Variants in ALDH3B1 observed in about 807,000 individuals in gnomAD.
ALDH3B1 encodes the protein aldehyde dehydrogenase family 3 member B1.
A neutral mutation model predicts 46.2 loss-of-function variants in ALDH3B1; 37 were observed. The ratio of observed to expected loss-of-function variants is 0.80; its 90% confidence interval spans 0.62 to 1.05. The LOEUF (loss-of-function observed/expected upper bound fraction) is 1.05. Ranked by LOEUF, ALDH3B1 falls within the 50% of genes least tolerant of loss-of-function variation. The pLI is 0.00. For synonymous variants in ALDH3B1, 283 were observed against 281.0 expected, an observed-to-expected ratio of 1.01 and a Z score of -0.07; for missense variants, 603 against 665.5, an observed-to-expected ratio of 0.91 and a Z score of 1.03.
intron 8 of ALDH3B1, 84 bp from the exon 9 acceptor site, chr11:68,025,925 A>C: frequency 1.0e-5 from 10 of 981,224 alleles, no homozygotes; most frequent in Non-Finnish European, 1.4e-5. Context: ...TCAGTGTCAC[A>C]GAGTCCAGCA....
intron 1 of ALDH3B1, among the ~76,000 whole-genome samples, chr11:68,011,906 C>G (rs977126160): frequency 6.6e-6 from 1 of 152,230 alleles, no homozygotes; most frequent in Non-Finnish European, 1.5e-5. Context: ...ATGGGTGCCA[C>G]AGGCAGTGCC....
rs748162494 is a variant in ALDH3B1 at position 68,027,872 on chromosome 11, C to T, written c.1340C>T (p.Ser447Leu). Residue 447 changes from serine to leucine, a missense_variant, in exon 10 of 10, where the codon TCG (serine) becomes TTG (leucine). Transcript: ENST00000342456. Reference protein sequence around the residue: ...KLNALRYPPQSPRRLRMLLVA... With the variant: ...KLNALRYPPQLPRRLRMLLVA... ...AACGCCCTCCGCTACCCGCCGCAAT[C>T]GCCGCGCCGCCTGAGGATGCTGCTG... is the stretch of plus-strand genomic sequence containing the variant. The T allele has an allele frequency of 1.2e-4, 184 of 1,562,558 alleles. No homozygotes were observed. The highest frequency in any genetic ancestry group is 2.4e-4 in the East Asian group (10 of 41,874).
chr11:68,013,265 A>T (rs1479202084), intron 1 of ALDH3B1, among the ~76,000 whole-genome samples: 2 of 152,108 alleles, frequency 1.3e-5, no homozygotes, highest in East Asian at 3.9e-4. Context: ...TGTGGGAGAG[A>T]TGTGTCCTGT....
intron 2 of ALDH3B1, chr11:68,018,214 G>C (rs746484845): frequency 2.6e-6 from 1 of 386,788 alleles, no homozygotes. Context: ...ACAGCCACAC[G>C]CTCCAGCAGT....
At chr11:68,015,082 C>T in intron 1 of ALDH3B1, 1 of 511,284 alleles carries the variant, frequency 2.0e-6, no homozygotes, top group East Asian at 3.1e-5. Context: ...TCATGTGTGT[C>T]TGGGAGTGCT....
chr11:68,011,605 T>A (rs1857231524), intron 1 of ALDH3B1, among the ~76,000 whole-genome samples: 1 of 152,216 alleles, frequency 6.6e-6, no homozygotes, highest in African/African-American at 2.4e-5. Context: ...CCTGCGGTAT[T>A]GGGCCTGTGG....
chr11:68,014,547 G>A (rs115321921), intron 1 of ALDH3B1, among the ~76,000 whole-genome samples: 1,914 of 152,254 alleles, frequency 0.013, 42 homozygotes, highest in African/African-American at 0.043. Flanking sequence ...GCACCAGCAC[G>A]GAGGCAGGAA....
In ALDH3B1 at chr11:68,029,041, A is replaced by G. The variant is rs1472910551; in HGVS notation, c.*1102A>G. The G allele has an allele frequency of 6.6e-6, 1 of 152,250 alleles. No individual in the cohort carries two copies. Among genetic ancestry groups the G allele is most frequent in the Non-Finnish European group, 1.5e-5 (1 of 68,046 alleles). The allele number at this position is 152,250 out of a possible 1,614,324, so 9.4% of individuals were successfully genotyped here. ...CCAAGTCCCACTTTTGAACAAGCTG[A>G]TGATTCTGAAACTGGCCCAATTTCC... is the stretch of plus-strand genomic sequence containing the variant. On this transcript the variant is annotated 3_prime_UTR_variant, in exon 10 of 10. Transcript: ENST00000342456.
chr11:68,021,891 C>T lies in ALDH3B1; in HGVS notation c.949+20C>T. On this transcript the variant is annotated intron_variant, in intron 7 of 9. Transcript: ENST00000342456. ...ACATCGGTGAGTCCTGCTGCCCCTACCACAGCCCACCTGGGCCAAGACCCC... is the reference window on the plus strand; with the variant it reads ...ACATCGGTGAGTCCTGCTGCCCCTATCACAGCCCACCTGGGCCAAGACCCC... 1 of 1,570,576 alleles carries T rather than the reference C, an allele frequency of 6.4e-7. No individual in the cohort carries two copies. The highest frequency in any genetic ancestry group is 8.6e-7 in the Non-Finnish European group (1 of 1,156,562).
At chr11:68,018,384 G>A (rs1350904650) in intron 2 of ALDH3B1, 143 bp from the exon 3 acceptor site, 8 of 693,114 alleles carry the variant, frequency 1.2e-5, no homozygotes, top group East Asian at 1.1e-4. Flanking sequence ...CAGGAAGCAC[G>A]CACTGAACAT....
chr11:68,018,721 C>T (rs1857411474), intron 3 of ALDH3B1, 52 bp from the exon 4 acceptor site: 1 of 1,549,078 alleles, frequency 6.5e-7, no homozygotes, highest in Non-Finnish European at 8.7e-7. Flanking sequence ...GAGCTGGCTG[C>T]TGAGGGGCCG....
At chr11:68,012,274 C>T (rs573265229) in intron 1 of ALDH3B1, among the ~76,000 whole-genome samples, 2 of 152,304 alleles carry the variant, frequency 1.3e-5, no homozygotes, top group South Asian at 2.1e-4. Context: ...ACTCTGTTCC[C>T]GGAGCCTGTG....
chr11:68,018,239 T>A, intron 2 of ALDH3B1: 2 of 437,744 alleles, frequency 4.6e-6, no homozygotes, highest in Non-Finnish European at 8.4e-6. Flanking sequence ...ACCCCCACCC[T>A]GCTCCATGAT....
chr11:68,015,507 A>G, intron 2 of ALDH3B1, 48 bp downstream of exon 2: 1 of 1,556,272 alleles, frequency 6.4e-7, no homozygotes, highest in Non-Finnish European at 8.7e-7. Context: ...GCAGGGGGGC[A>G]TGGAGGGCAG....
chr11:68,018,303 G>A (rs1857397014), intron 2 of ALDH3B1: 2 of 562,538 alleles, frequency 3.6e-6, no homozygotes, highest in East Asian at 6.0e-5. Context: ...ACTTTCACAT[G>A]GAACGACTGC....
intron 8 of ALDH3B1, among the ~76,000 whole-genome samples, chr11:68,023,372 T>G (rs12284146): frequency 6.6e-6 from 1 of 150,476 alleles, no homozygotes. Flanking sequence ...AGCACAGTCT[T>G]GGCTCACTGC....
At chr11:68,024,650 G>A (rs7925460) in intron 8 of ALDH3B1, 15 of 152,248 alleles carry the variant, frequency 9.9e-5, no homozygotes, top group African/African-American at 3.4e-4. Context: ...GACTGATCTA[G>A]TAGTGATAAA....
Position 68,021,863 on chromosome 11 carries a change from G to C in ALDH3B1, c.941G>C (p.Arg314Pro). The C allele has an allele frequency of 6.2e-7, 1 of 1,602,766 alleles. No homozygotes were observed. Among genetic ancestry groups the C allele is most frequent in the Non-Finnish European group, 8.5e-7 (1 of 1,173,754 alleles). ...GGGGGCCAGAGCGATGAGAGCGATCGCTACATCGGTGAGTCCTGCTGCCCC... is the reference window on the plus strand; with the variant it reads ...GGGGGCCAGAGCGATGAGAGCGATCCCTACATCGGTGAGTCCTGCTGCCCC... ...AIGGQSDESD[R>P]YIAPTVLVDV... The change falls in exon 7 of 10, where the codon CGC (arginine) becomes CCC (proline). Residue 314 changes from arginine (R) to proline (P), a missense_variant. By Grantham distance (103) the Arg-to-Pro change is moderately radical. Transcript: ENST00000342456.
chr11:68,017,958 T>G (rs1399420318), intron 2 of ALDH3B1: 1 of 152,522 alleles, frequency 6.6e-6, no homozygotes, highest in African/African-American at 2.4e-5. Context: ...CCCCCTCACC[T>G]TGCCCACTCT....
Sources: gnomAD v4.1 joint callset for allele counts (sites outside exome capture counted in the v4.1 genomes callset) on GRCh38, gnomAD v4.1.1 for gene constraint, MANE v1.5 for transcripts, NCBI Gene and HGNC (gene_info 2026-07-23, HGNC 2026-07-21) for gene names.